Variants in NCOA7 observed in about 807,000 individuals in gnomAD.
NCOA7 encodes 140 kDa estrogen receptor-associated protein.
A neutral mutation model predicts 104.3 loss-of-function variants in NCOA7; 45 were observed. That is an observed-to-expected ratio of 0.43 (90% confidence interval 0.34 to 0.55). The LOEUF is 0.55. Ranked by LOEUF, NCOA7 falls within the 20% of genes least tolerant of loss-of-function variation. NCOA7 has a pLI of 0.02. For synonymous variants in NCOA7, 398 were observed against 402.3 expected (o/e 0.99, Z 0.13); for missense variants, 1,041 against 1,119.7 (o/e 0.93, Z 1.00).
chr6:125,900,732 C>T (rs1191111196), intron 10 of NCOA7, among the ~76,000 whole-genome samples: 2 of 151,868 alleles, frequency 1.3e-5, no homozygotes, highest in East Asian at 3.9e-4. Context: ...CATTGTTGTA[C>T]ATTAGATTCA....
intron 2 of NCOA7, among the ~76,000 whole-genome samples, chr6:125,835,678 G>A (rs1583330819): frequency 1.3e-5 from 2 of 152,208 alleles, no homozygotes; most frequent in African/African-American, 4.8e-5. Context: ...GCTAGGTTTT[G>A]GAGTAGTGGC....
At chr6:125,814,960 T>G (rs942075109) in intron 1 of NCOA7, among the ~76,000 whole-genome samples, 2 of 152,250 alleles carry the variant, frequency 1.3e-5, no homozygotes, top group Admixed American at 6.5e-5. Flanking sequence ...TTCAATTTTT[T>G]TTTAAATAAT....
intron 2 of NCOA7, among the ~76,000 whole-genome samples, chr6:125,847,743 G>A (rs1780750280): frequency 6.6e-6 from 1 of 152,164 alleles, no homozygotes; most frequent in Non-Finnish European, 1.5e-5. Flanking sequence ...CAGAGGCATG[G>A]GCAAGGACTT....
intron 2 of NCOA7, among the ~76,000 whole-genome samples, chr6:125,846,358 A>G (rs1463199060): frequency 3.9e-5 from 3 of 76,140 alleles, no homozygotes; most frequent in African/African-American, 7.6e-5. Flanking sequence ...AAAAGAAAAA[A>G]AAATTTTTTT....
upstream of NCOA7, among the ~76,000 whole-genome samples, chr6:125,789,722 T>C (rs1247749112): frequency 1.3e-5 from 2 of 152,240 alleles, no homozygotes; most frequent in Non-Finnish European, 2.9e-5. Flanking sequence ...GACCACCTGC[T>C]GCTGAAATGC....
intron 6 of NCOA7, 144 bp downstream of exon 6, chr6:125,881,347 C>A: frequency 1.5e-6 from 1 of 686,894 alleles, no homozygotes; most frequent in Non-Finnish European, 2.5e-6. Context: ...GCATCCTCTC[C>A]AAGGGAAACT....
chr6:125,921,502 C>T (rs1787583110), intron 12 of NCOA7, among the ~76,000 whole-genome samples: 1 of 152,170 alleles, frequency 6.6e-6, no homozygotes, highest in Non-Finnish European at 1.5e-5. Context: ...CACCAGCAGC[C>T]CACTAAGGCC....
intron 3 of NCOA7, among the ~76,000 whole-genome samples, chr6:125,858,187 G>A (rs1781742798): frequency 6.6e-6 from 1 of 151,710 alleles, no homozygotes; most frequent in East Asian, 1.9e-4. Flanking sequence ...AGTGTCTTCA[G>A]CTTGACGTGT....
chr6:125,892,253 C>T (rs1225339204), intron 10 of NCOA7, among the ~76,000 whole-genome samples: 1 of 152,042 alleles, frequency 6.6e-6, no homozygotes, highest in East Asian at 1.9e-4. Flanking sequence ...GTTATCTTTG[C>T]TGCAACTGTC....
intron 2 of NCOA7, among the ~76,000 whole-genome samples, chr6:125,829,767 A>T (rs62425941): frequency 0.3 from 45,168 of 151,956 alleles, 8,173 homozygotes; most frequent in East Asian, 0.48. Context: ...GTATAGAAGC[A>T]CCAGGTAATA....
chr6:125,842,687 A>T (rs540038937), intron 2 of NCOA7, among the ~76,000 whole-genome samples: 9 of 152,302 alleles, frequency 5.9e-5, no homozygotes, highest in Admixed American at 4.6e-4. Flanking sequence ...AAGTAATTAG[A>T]TATGAAAATG....
At chr6:125,893,536 G>T (rs1178549840) in intron 10 of NCOA7, among the ~76,000 whole-genome samples, 1 of 151,916 alleles carries the variant, frequency 6.6e-6, no homozygotes, top group African/African-American at 2.4e-5. Context: ...GTACCCTATG[G>T]GTTTCCCAAC....
chr6:125,909,323 G>A (rs184682303), intron 10 of NCOA7, among the ~76,000 whole-genome samples: 5 of 152,304 alleles, frequency 3.3e-5, no homozygotes, highest in African/African-American at 9.6e-5. Context: ...GCCATCCAGT[G>A]TCCAGCTCTA....
intron 10 of NCOA7, among the ~76,000 whole-genome samples, chr6:125,914,991 C>T (rs1369985666): frequency 6.6e-6 from 1 of 152,042 alleles, no homozygotes; most frequent in Non-Finnish European, 1.5e-5. Context: ...ACATTTTTTT[C>T]CTCAATGAAT....
At chr6:125,787,124 A>T (rs1339595279), upstream of NCOA7, among the ~76,000 whole-genome samples, 1 of 142,412 alleles carries the variant, frequency 7.0e-6, no homozygotes, top group Non-Finnish European at 1.5e-5. Context: ...CCTGTCTGGA[A>T]GAAAAAAAAA....
chr6:125,919,156 C>A, intron 11 of NCOA7: 2 of 1,336,296 alleles, frequency 1.5e-6, no homozygotes, highest in East Asian at 2.4e-5. Flanking sequence ...AGTGTGTTTG[C>A]TCTAAATCCT....
At chr6:125,822,643 A>AT (rs1778292491) in intron 2 of NCOA7, among the ~76,000 whole-genome samples, 1 of 152,130 alleles carries the variant, frequency 6.6e-6, no homozygotes, top group African/African-American at 2.4e-5. Context: ...GGATTAGAAC[A>AT]TGTTGTTAGG....
chr6:125,884,745 T>C (rs1226009788), intron 7 of NCOA7, among the ~76,000 whole-genome samples: 1 of 152,248 alleles, frequency 6.6e-6, no homozygotes, highest in Non-Finnish European at 1.5e-5. Flanking sequence ...CATGCACTTG[T>C]CAGACACATG....
At chr6:125,894,573 G>A (rs1013395777) in intron 10 of NCOA7, among the ~76,000 whole-genome samples, 10 of 152,078 alleles carry the variant, frequency 6.6e-5, no homozygotes, top group South Asian at 4.1e-4. Context: ...TAAGGACAAC[G>A]TGAAGTTTAA....
Sources: gnomAD v4.1 joint callset for allele counts (sites outside exome capture counted in the v4.1 genomes callset) on GRCh38, gnomAD v4.1.1 for gene constraint, MANE v1.5 for transcripts, NCBI Gene and HGNC (gene_info 2026-07-23, HGNC 2026-07-21) for gene names.